SH3KBP1: variants seen among roughly 807,000 people sequenced by gnomAD.
The protein encoded by SH3KBP1 is SH3 domain containing kinase binding protein 1.
In SH3KBP1, 8 loss-of-function variants were observed where a neutral mutation model predicts 50.1. The observed-to-expected ratio is 0.16, with a 90% confidence interval of 0.09 to 0.29. The LOEUF is 0.29. Ranked by LOEUF, SH3KBP1 falls within the 10% of genes least tolerant of loss-of-function variation. The pLI is 1.00. For missense variants in SH3KBP1, 377 were observed against 535.2 expected, an observed-to-expected ratio of 0.70 and a Z score of 2.92; for synonymous variants, 227 against 218.6, an observed-to-expected ratio of 1.04 and a Z score of -0.34.
intron 6 of SH3KBP1, among the ~76,000 whole-genome samples, chrX:19,681,034 AT>A (rs758069243): frequency 2.6e-4 from 28 of 107,123 alleles, no homozygotes; most frequent in South Asian, 2.0e-3. Context: ...TGGATTTCAG[AT>A]TTTTTTTTTT....
chrX:19,567,699 T>C (rs1048396450), intron 13 of SH3KBP1, among the ~76,000 whole-genome samples: 2 of 105,434 alleles, frequency 1.9e-5, no homozygotes, highest in Non-Finnish European at 3.9e-5. Flanking sequence ...GATGTTACTA[T>C]TGGGGAGAAA....
chrX:19,770,771 T>C (rs1042896779), intron 2 of SH3KBP1, among the ~76,000 whole-genome samples: 23 of 110,480 alleles, frequency 2.1e-4, no homozygotes, highest in African/African-American at 7.2e-4. Context: ...CTCACTGTGG[T>C]TTTGATATGC....
chrX:19,546,418 GCCTGCCC>G (rs1173509089), intron 14 of SH3KBP1, among the ~76,000 whole-genome samples: 3 of 112,359 alleles, frequency 2.7e-5, no homozygotes, highest in Non-Finnish European at 5.6e-5. Flanking sequence ...CACACAGGAT[GCCTGCCC>G]TCACAGGGCT....
chrX:19,582,421 G>A (rs1346379028), intron 12 of SH3KBP1, among the ~76,000 whole-genome samples: 1 of 111,783 alleles, frequency 8.9e-6, no homozygotes, highest in Non-Finnish European at 1.9e-5. Context: ...GTGGCCGCGT[G>A]GGTGATCCAT....
chrX:19,646,807 C>T (rs976938915), intron 6 of SH3KBP1, among the ~76,000 whole-genome samples: 1 of 112,357 alleles, frequency 8.9e-6, no homozygotes, highest in Non-Finnish European at 1.9e-5. Flanking sequence ...AAAGCCTTTA[C>T]GTCTTACACG....
At chrX:19,568,544 G>A (rs922724880) in intron 13 of SH3KBP1, among the ~76,000 whole-genome samples, 1 of 112,003 alleles carries the variant, frequency 8.9e-6, no homozygotes, top group South Asian at 3.7e-4. Flanking sequence ...ACAGCACACC[G>A]GTGGCCTCAC....
chrX:19,850,974 T>G (rs1603279611), intron 1 of SH3KBP1, among the ~76,000 whole-genome samples: 1 of 110,927 alleles, frequency 9.0e-6, no homozygotes, highest in Non-Finnish European at 1.9e-5. Flanking sequence ...CCAGAGATGT[T>G]AGAATCCCCT....
At chrX:19,601,731 GC>G (rs777383668) in intron 9 of SH3KBP1, 1 of 111,188 alleles carries the variant, frequency 9.0e-6, no homozygotes, top group South Asian at 3.9e-4. Flanking sequence ...TCTCCACTCT[GC>G]CCTTTTCTCC....
chrX:19,700,668 T>A (rs909005156), intron 4 of SH3KBP1, among the ~76,000 whole-genome samples: 1 of 112,015 alleles, frequency 8.9e-6, no homozygotes, highest in African/African-American at 3.2e-5. Flanking sequence ...GTAGAACTGG[T>A]GAAAAAAAAA....
intron 9 of SH3KBP1, among the ~76,000 whole-genome samples, chrX:19,602,581 C>T (rs1481370901): frequency 8.9e-6 from 1 of 112,220 alleles, no homozygotes; most frequent in Non-Finnish European, 1.9e-5. Context: ...AAATTTTTTT[C>T]ATAAGGCTGC....
At chrX:19,750,431 C>T (rs2065033029) in intron 2 of SH3KBP1, among the ~76,000 whole-genome samples, 1 of 112,073 alleles carries the variant, frequency 8.9e-6, no homozygotes, top group Non-Finnish European at 1.9e-5. Context: ...CCAGTTTAGC[C>T]TCTGCAAAAT....
At chrX:19,581,210 C>T (rs1258312647) in intron 12 of SH3KBP1, among the ~76,000 whole-genome samples, 1 of 111,783 alleles carries the variant, frequency 8.9e-6, no homozygotes, top group African/African-American at 3.3e-5. Flanking sequence ...CTCAAAGCAC[C>T]GGGATTACAC....
intron 2 of SH3KBP1, among the ~76,000 whole-genome samples, chrX:19,763,556 A>C (rs898736219): frequency 2.7e-5 from 3 of 111,755 alleles, no homozygotes; most frequent in African/African-American, 9.8e-5. Flanking sequence ...GGGCTGTCAT[A>C]TGTGTTGCAG....
chrX:19,569,216 TTAA>T (rs748363681), intron 12 of SH3KBP1, 28 bp from the exon 13 acceptor site: 8 of 1,128,027 alleles, frequency 7.1e-6, no homozygotes, highest in Non-Finnish European at 9.7e-6. Flanking sequence ...GCCCAGACAT[TTAA>T]TAATTGGTGT....
chrX:19,762,431 A>G (rs1384855781), intron 2 of SH3KBP1, among the ~76,000 whole-genome samples: 1 of 110,208 alleles, frequency 9.1e-6, no homozygotes, highest in Non-Finnish European at 1.9e-5. Context: ...CAGACCCTCT[A>G]CTAGATCAGC....
intron 16 of SH3KBP1, among the ~76,000 whole-genome samples, chrX:19,538,613 G>A (rs1454797233): frequency 9.2e-6 from 1 of 109,080 alleles, no homozygotes; most frequent in African/African-American, 3.3e-5. Flanking sequence ...TTGAGATGGA[G>A]TCCCACTCTG....
rs1569278464 is a variant in SH3KBP1 at position 19,554,122 on chromosome X, T to TATATCATATTAAAATATAA, written c.1385-4040_1385-4039insTTATATTTTAATATGATAT. Among the ~76,000 whole-genome samples, 93 of 59,230 alleles carry TATATCATATTAAAATATAA rather than the reference T, an allele frequency of 1.6e-3. 2 individuals carry two copies. The highest frequency in any genetic ancestry group is 2.8e-3 in the Admixed American group (11 of 3,898). 51.4% of individuals were successfully genotyped at this position (59,230 alleles called of 115,157 possible). A position where few individuals can be genotyped will look rare whatever the true frequency, so the allele number is the denominator to read the frequency against. The stretch of plus-strand genomic sequence containing the variant: ...TTATATATCATATTAAAATATAATA[T>TATATCATATTAAAATATAA]TATATATCATATTAAAATATATTAT... On this transcript the variant is annotated intron_variant, in intron 13 of 17. Transcript: ENST00000397821.
intron 1 of SH3KBP1, 60 bp from the exon 2 acceptor site, chrX:19,836,342 A>G: frequency 9.8e-7 from 1 of 1,021,868 alleles, no homozygotes; most frequent in Non-Finnish European, 1.4e-6. Flanking sequence ...GCTGAGGTCC[A>G]GTATCCCTTG....
At chrX:19,769,170 C>A (rs2065710130) in intron 2 of SH3KBP1, among the ~76,000 whole-genome samples, 1 of 106,597 alleles carries the variant, frequency 9.4e-6, no homozygotes, top group African/African-American at 3.5e-5. Context: ...CTGCAACCTC[C>A]ACCTCCCAGG....
Sources: gnomAD v4.1 joint callset for allele counts (sites outside exome capture counted in the v4.1 genomes callset) on GRCh38, gnomAD v4.1.1 for gene constraint, MANE v1.5 for transcripts, NCBI Gene and HGNC (gene_info 2026-07-23, HGNC 2026-07-21) for gene names.